The following RGL1 variants were observed in gnomAD, a reference collection of about 807,000 sequenced individuals.
The protein encoded by RGL1 is ral guanine nucleotide dissociation stimulator like 1, also known as ral guanine nucleotide dissociation stimulator-like 1.
RGL1 carries 24 observed loss-of-function variants against 95.2 expected under a neutral mutation model. That is an observed-to-expected ratio of 0.25 (90% confidence interval 0.18 to 0.35). The LOEUF is 0.35. Among genes scored for constraint, RGL1 ranks in the 10% least tolerant of loss-of-function variants. RGL1 has a pLI of 1.00. For synonymous variants in RGL1, 329 were observed against 344.9 expected (o/e 0.95, Z 0.51); for missense variants, 715 against 936.3 (o/e 0.76, Z 3.08).
chr1:183,857,446 A>G (rs1476985678), intron 3 of RGL1, among the ~76,000 whole-genome samples: 1 of 152,226 alleles, frequency 6.6e-6, no homozygotes, highest in Non-Finnish European at 1.5e-5. Flanking sequence ...AACACAGATA[A>G]GAAACAAGGA....
chr1:183,679,926 TA>T (rs1474609918), intron 1 of RGL1, among the ~76,000 whole-genome samples: 9 of 152,242 alleles, frequency 5.9e-5, no homozygotes, highest in Non-Finnish European at 1.2e-4. Flanking sequence ...TGTGAGATGG[TA>T]TCTCATTGTG....
intron 2 of RGL1, among the ~76,000 whole-genome samples, chr1:183,814,545 C>T (rs964606214): frequency 6.6e-6 from 1 of 152,100 alleles, no homozygotes; most frequent in Non-Finnish European, 1.5e-5. Context: ...TATGTAAACT[C>T]CCCCAGAAGT....
At chr1:183,656,628 A>G (rs1651186537) in intron 1 of RGL1, among the ~76,000 whole-genome samples, 1 of 152,210 alleles carries the variant, frequency 6.6e-6, no homozygotes, top group Non-Finnish European at 1.5e-5. Flanking sequence ...GTGACCATGC[A>G]GCAGCACTGG....
At chr1:183,713,425 T>A (rs1655431133) in intron 1 of RGL1, among the ~76,000 whole-genome samples, 1 of 138,060 alleles carries the variant, frequency 7.2e-6, no homozygotes, top group Non-Finnish European at 1.5e-5. Context: ...AACTTTATCT[T>A]AAAAATTCCA....
At chr1:183,799,897 T>C (rs1336696978) in intron 2 of RGL1, among the ~76,000 whole-genome samples, 1 of 152,064 alleles carries the variant, frequency 6.6e-6, no homozygotes, top group Admixed American at 6.6e-5. Context: ...TAAAGGGAAA[T>C]GGTGTGAAAG....
chr1:183,737,815 A>G (rs1657037873), intron 1 of RGL1, among the ~76,000 whole-genome samples: 1 of 152,072 alleles, frequency 6.6e-6, no homozygotes, highest in African/African-American at 2.4e-5. Flanking sequence ...CTCTCTGATC[A>G]GATTTGCCTT....
chr1:183,659,160 C>G (rs1181712437), intron 1 of RGL1, among the ~76,000 whole-genome samples: 1 of 152,160 alleles, frequency 6.6e-6, no homozygotes, highest in Non-Finnish European at 1.5e-5. Context: ...CTCTCCTCCT[C>G]CAAAGGAATA....
intron 15 of RGL1, among the ~76,000 whole-genome samples, chr1:183,912,751 A>T (rs1038004237): frequency 3.3e-5 from 5 of 152,234 alleles, no homozygotes; most frequent in African/African-American, 1.2e-4. Flanking sequence ...GATTTGGTCC[A>T]GGTCTGTTCC....
intron 16 of RGL1, among the ~76,000 whole-genome samples, chr1:183,917,137 C>T (rs1669028566): frequency 6.6e-6 from 1 of 152,054 alleles, no homozygotes. Context: ...AGTGTACTCC[C>T]CTGATGGCAG....
intron 14 of RGL1, among the ~76,000 whole-genome samples, chr1:183,911,373 C>A (rs550030710): frequency 7.2e-5 from 11 of 152,236 alleles, no homozygotes; most frequent in African/African-American, 2.6e-4. Context: ...CCTTTGTGGG[C>A]CCTGGCTGTA....
intron 10 of RGL1, among the ~76,000 whole-genome samples, chr1:183,898,198 T>C (rs1175198148): frequency 6.6e-6 from 1 of 152,156 alleles, no homozygotes; most frequent in Non-Finnish European, 1.5e-5. Flanking sequence ...TGCAGTCTCT[T>C]CCGCCCCCTC....
At position 183,663,892 on chromosome 1, in the gene RGL1, G is replaced by T. The variant is rs1274199399; in HGVS notation, c.-33+27391G>T. 2.6e-5 allele frequency among the ~76,000 whole-genome samples: 4 copies of T among 151,532 alleles called. No individual in the cohort carries two copies. In the East Asian group the frequency reaches 7.7e-4, roughly 29 times the overall value. Reference sequence around the variant, plus strand: ...GGAATACTATGCAGCCATAAAAAATGATGAGTTCATGTCCTTTGTAGGGAC... The same window carrying T: ...GGAATACTATGCAGCCATAAAAAATTATGAGTTCATGTCCTTTGTAGGGAC... On this transcript the variant is annotated intron_variant, in intron 1 of 18. Coordinates refer to the RGL1 transcript ENST00000304685.
intron 2 of RGL1, among the ~76,000 whole-genome samples, chr1:183,747,009 T>C (rs959128459): frequency 2.6e-5 from 4 of 152,240 alleles, no homozygotes; most frequent in Non-Finnish European, 5.9e-5. Flanking sequence ...GGCTGCATTG[T>C]ATTCCATGGT....
In RGL1 at chr1:183,669,318, A is replaced by C. The variant is rs1240574121; in HGVS notation, c.-33+32817A>C. Among the ~76,000 whole-genome samples the C allele has an allele frequency of 2.0e-5, 3 of 151,956 alleles. No homozygotes were observed. The East Asian group carries it at 5.8e-4, about 29-fold the overall frequency. ...CAAAGGCATTCTTTGTTTCTCTTAC[A>C]CTATATTTTTTTGTAATCTCTGTGA... On this transcript the variant is annotated intron_variant, in intron 1 of 18. Coordinates refer to the RGL1 transcript ENST00000304685.
At chr1:183,744,695 GT>G (rs1310953349) in intron 2 of RGL1, among the ~76,000 whole-genome samples, 4 of 151,808 alleles carry the variant, frequency 2.6e-5, no homozygotes, top group Non-Finnish European at 4.4e-5. Context: ...TCTACAGCTT[GT>G]TTTTTTGTTT....
intron 2 of RGL1, among the ~76,000 whole-genome samples, chr1:183,772,041 C>T (rs1035618212): frequency 7.2e-5 from 11 of 152,236 alleles, no homozygotes; most frequent in African/African-American, 2.4e-4. Flanking sequence ...GGAGAGCGCC[C>T]GCTGCCCAGC....
intron 2 of RGL1, among the ~76,000 whole-genome samples, chr1:183,812,615 G>A (rs1487847539): frequency 6.6e-6 from 1 of 152,192 alleles, no homozygotes. Context: ...ATATATTGTG[G>A]CAAGTGTGAC....
At chr1:183,774,909 C>T (rs1423674731) in intron 2 of RGL1, among the ~76,000 whole-genome samples, 3 of 152,086 alleles carry the variant, frequency 2.0e-5, no homozygotes, top group Non-Finnish European at 2.9e-5. Context: ...AGGAGAGGAC[C>T]TCCAGTCTTC....
At chr1:183,737,747 C>T (rs900845302) in intron 1 of RGL1, among the ~76,000 whole-genome samples, 1 of 152,056 alleles carries the variant, frequency 6.6e-6, no homozygotes, top group Admixed American at 6.5e-5. Flanking sequence ...TTTACAATTA[C>T]AAAAAAATTC....
Sources: gnomAD v4.1 joint callset for allele counts (sites outside exome capture counted in the v4.1 genomes callset) on GRCh38, gnomAD v4.1.1 for gene constraint, MANE v1.5 for transcripts, NCBI Gene and HGNC (gene_info 2026-07-23, HGNC 2026-07-21) for gene names.